The following FCRL6 variants were observed in gnomAD, a reference collection of about 807,000 sequenced individuals.
FCRL6 encodes the protein Fc receptor-like protein 6.
Under a neutral mutation model 49.1 loss-of-function variants are expected in FCRL6, and 50 were observed. The observed-to-expected ratio is 1.02, with a 90% CI of 0.81 to 1.29. The LOEUF is 1.29. FCRL6 is among the 50% of genes most tolerant of loss of function. The pLI is 0.00. For missense variants in FCRL6, 571 were observed against 518.5 expected (o/e 1.10, Z -0.98); for synonymous variants, 213 against 199.6 (o/e 1.07, Z -0.57).
At chr1:159,809,774 C>G in intron 5 of FCRL6, 91 bp downstream of exon 5, 2 of 1,128,406 alleles carry the variant, frequency 1.8e-6, no homozygotes, top group Non-Finnish European at 2.6e-6. Flanking sequence ...ACGACTGGCA[C>G]AGTGCTGGAC....
upstream of FCRL6, among the ~76,000 whole-genome samples, chr1:159,800,767 A>C (rs1662277508): frequency 6.6e-6 from 1 of 152,210 alleles, no homozygotes; most frequent in Non-Finnish European, 1.5e-5. Context: ...AACTTAGAAA[A>C]TTCTCTCTGT....
In FCRL6 at chr1:159,805,842, G is replaced by A. The variant is rs116936332; in HGVS notation, c.32-754G>A. 5.3e-5 allele frequency among the ~76,000 whole-genome samples: 8 copies of A among 152,292 alleles called. No homozygotes were observed. In the East Asian group the frequency reaches 9.6e-4, roughly 18 times the overall value. ...TTGCCAGAGCTCTGTGGAGAGATGG[G>A]ACCACAAGAATCAGGTCCTGCCCTT... On this transcript the variant is annotated intron_variant, in intron 1 of 9. Coordinates refer to ENST00000368106, the MANE Select transcript of FCRL6 (RefSeq NM_001004310.3).
upstream of FCRL6, among the ~76,000 whole-genome samples, chr1:159,801,646 T>C (rs946743635): frequency 3.3e-5 from 5 of 152,258 alleles, no homozygotes; most frequent in Non-Finnish European, 5.9e-5. Flanking sequence ...TCTAGTATGT[T>C]GTCTGTCCTT....
intron 1 of FCRL6, among the ~76,000 whole-genome samples, chr1:159,805,859 C>T (rs193280125): frequency 6.6e-6 from 1 of 152,316 alleles, no homozygotes; most frequent in Admixed American, 6.5e-5. Context: ...AGAATCAGGT[C>T]CTGCCCTTGC....
At position 159,806,681 on chromosome 1, in the gene FCRL6, A is replaced by G. The variant is rs1267104559; in HGVS notation, c.52+65A>G. The G allele has an allele frequency of 3.3e-6, 5 of 1,525,588 alleles. No individual in the cohort carries two copies. In the East Asian group the frequency reaches 1.1e-4, roughly 34 times the overall value. 94.5% of individuals were successfully genotyped at this position (1,525,588 alleles called of 1,614,324 possible). A position where few individuals can be genotyped will look rare whatever the true frequency, so the allele number is the denominator to read the frequency against. On this transcript the variant is annotated intron_variant, in intron 2 of 9. Transcript: ENST00000368106. ...TATGGGCCAAAACTTACTGGATGGG[A>G]ACAGGACAGTGCCATGGGGTCCCCC...
At chr1:159,804,488 G>A (rs1002671851) in intron 1 of FCRL6, among the ~76,000 whole-genome samples, 2 of 152,208 alleles carry the variant, frequency 1.3e-5, no homozygotes, top group Admixed American at 1.3e-4. Flanking sequence ...ACGCAACTTG[G>A]TTTGACCATA....
chr1:159,808,121 G>A, intron 2 of FCRL6, 57 bp from the exon 3 acceptor site: 1 of 1,560,928 alleles, frequency 6.4e-7, no homozygotes, highest in Non-Finnish European at 8.7e-7. Context: ...GACAGAGGGA[G>A]AGAAGTGACT....
chr1:159,808,525 C>T lies in FCRL6; in HGVS notation c.319+81C>T, dbSNP rs1178464074. On this transcript the variant is annotated intron_variant, in intron 3 of 9. Coordinates refer to ENST00000368106, the MANE Select transcript of FCRL6 (RefSeq NM_001004310.3). ...TTCTAGAGGTCAGTAGCTCTCTGGGCTGGACCCCTGTCTCTGGCTGCCCCT... is the reference window on the plus strand; with the variant it reads ...TTCTAGAGGTCAGTAGCTCTCTGGGTTGGACCCCTGTCTCTGGCTGCCCCT... 5 of 1,538,872 alleles carry T rather than the reference C, an allele frequency of 3.2e-6. No individual in the cohort carries two copies. The African/African-American group carries it at 5.5e-5, about 17-fold the overall frequency.
Position 159,813,535 on chromosome 1 carries a change from G to C in FCRL6, c.1056G>C (p.Gln352His). 1 of 1,614,124 alleles carries C rather than the reference G, an allele frequency of 6.2e-7. No homozygotes were observed. Among genetic ancestry groups the C allele is most frequent in the Non-Finnish European group, 8.5e-7 (1 of 1,179,970 alleles). Residue 352 changes from glutamine (Q) to histidine (H), a missense_variant, in exon 7 of 10, where the codon CAG becomes CAC. Coordinates refer to ENST00000368106, the MANE Select transcript of FCRL6 (RefSeq NM_001004310.3). ...CACCCACAGCTCCAGGTGGAGAGCA[G>C]TGCCCACTATATGCCAACGGTAAGG... ...QIPPTAPGGE[Q>H]CPLYANVHHQ...
rs1041499254 is a variant in FCRL6, at chr1:159,808,217, A to T, written c.92A>T (p.Glu31Val). 128 of 1,613,818 alleles carry T rather than the reference A, an allele frequency of 7.9e-5. No individual in the cohort carries two copies. The Admixed American group carries it at 2.1e-3, about 27-fold the overall frequency. The change falls in exon 3 of 10, where the codon GAA becomes GTA. Residue 31 changes from glutamate (E) to valine (V), a missense_variant. Transcript: ENST00000368106. ...CAAGCCTGGCCAAACCCTGTGTTTG[A>T]AGGAGATGCCCTGACTCTGCGATGT... ...YLQAWPNPVF[E>V]GDALTLRCQG... is the part of the protein sequence containing the mutation.
chr1:159,815,492 C>G (rs750957487), intron 9 of FCRL6, 33 bp downstream of exon 9: 22 of 1,614,154 alleles, frequency 1.4e-5, no homozygotes, highest in Non-Finnish European at 1.8e-5. Flanking sequence ...TTCTCACCCT[C>G]TCTCTTACAT....
At chr1:159,806,567 C>T (rs777144459) in intron 1 of FCRL6, 29 bp from the exon 2 acceptor site, 28 of 1,608,788 alleles carry the variant, frequency 1.7e-5, no homozygotes, top group East Asian at 2.2e-5. Context: ...TGCTACTTAA[C>T]CTAATTGTGT....
chr1:159,815,000 A>T (rs1663310924), intron 8 of FCRL6, among the ~76,000 whole-genome samples: 1 of 152,248 alleles, frequency 6.6e-6, no homozygotes, highest in South Asian at 2.1e-4. Context: ...AATAGAACCT[A>T]GGTTCTAGAA....
intron 1 of FCRL6, among the ~76,000 whole-genome samples, chr1:159,806,157 A>C (rs1047826123): frequency 5.3e-5 from 8 of 152,376 alleles, no homozygotes; most frequent in African/African-American, 1.9e-4. Context: ...TTTAATGAAT[A>C]AGATAAATTC....
Position 159,810,202 on chromosome 1 carries a change from C to G in FCRL6, c.995C>G (p.Ser332Cys). The change falls in exon 6 of 10, where the codon TCC becomes TGC. Residue 332 changes from serine to cysteine, a missense_variant. Ser to Cys is a moderately radical substitution (Grantham distance 112). Coordinates refer to ENST00000368106, the MANE Select transcript of FCRL6 (RefSeq NM_001004310.3). The part of the protein sequence containing the change: ...IAAALLVYVR[S>C]WRKAGPLPSQ... The stretch of plus-strand genomic sequence containing the variant: ...GCTGCACTTCTGGTTTATGTGAGAT[C>G]CTGGAGAAAAGCTGGTCAGTAACTC... 1 of 1,612,598 alleles carries G rather than the reference C, an allele frequency of 6.2e-7. No individual in the cohort carries two copies. The highest frequency in any genetic ancestry group is 8.5e-7 in the Non-Finnish European group (1 of 1,179,332).
chr1:159,812,417 T>C (rs1364120535), intron 6 of FCRL6, among the ~76,000 whole-genome samples: 1 of 152,198 alleles, frequency 6.6e-6, no homozygotes, highest in Non-Finnish European at 1.5e-5. Flanking sequence ...TTTTAGAACA[T>C]TTGACCAATG....
intron 4 of FCRL6, 44 bp downstream of exon 4, chr1:159,809,289 T>C (rs1662928294): frequency 1.3e-6 from 2 of 1,524,906 alleles, no homozygotes; most frequent in East Asian, 4.5e-5. Flanking sequence ...GCCCTGGGCG[T>C]CAGGCAGTGG....
In FCRL6 at chr1:159,813,590, T is replaced by C. The variant is rs753377512; in HGVS notation, c.1075+36T>C. ...CCAGCAGGATGGTGGTGTGCCCATGTGGGCCAAAAAGAGCTTCTTAAGGGA... is the reference window on the plus strand; with the variant it reads ...CCAGCAGGATGGTGGTGTGCCCATGCGGGCCAAAAAGAGCTTCTTAAGGGA... On this transcript the variant is annotated intron_variant, in intron 7 of 9. Coordinates refer to ENST00000368106, the MANE Select transcript of FCRL6 (RefSeq NM_001004310.3). 5.7e-6 allele frequency: 9 copies of C among 1,592,892 alleles called. No individual in the cohort carries two copies. In the East Asian group the frequency reaches 2.0e-4, roughly 36 times the overall value.
intron 6 of FCRL6, 91 bp downstream of exon 6, chr1:159,810,307 C>A: frequency 6.8e-7 from 1 of 1,473,294 alleles, no homozygotes; most frequent in Non-Finnish European, 9.1e-7. Flanking sequence ...CAGGACCAGC[C>A]ACTCTCTTCT....
Sources: gnomAD v4.1 joint callset for allele counts (sites outside exome capture counted in the v4.1 genomes callset) on GRCh38, gnomAD v4.1.1 for gene constraint, MANE v1.5 for transcripts, NCBI Gene and HGNC (gene_info 2026-07-23, HGNC 2026-07-21) for gene names.